Variants in GRIK4 observed in about 807,000 individuals in gnomAD.
The protein encoded by GRIK4 is glutamate receptor ionotropic, kainate 4.
GRIK4 carries 40 observed loss-of-function variants against 104.9 expected under a neutral mutation model. The ratio of observed to expected loss-of-function variants is 0.38; its 90% CI spans 0.30 to 0.50. GRIK4 has a LOEUF of 0.50. GRIK4 is among the 20% of genes least tolerant of loss of function. GRIK4 has a pLI of 0.93. For synonymous variants in GRIK4, 485 were observed against 524.9 expected (o/e 0.92, Z 1.04); for missense variants, 1,047 against 1,308.1 (o/e 0.80, Z 3.08).
intron 4 of GRIK4, among the ~76,000 whole-genome samples, chr11:120,809,945 G>A (rs1477375183): frequency 6.6e-6 from 1 of 152,144 alleles, no homozygotes; most frequent in Non-Finnish European, 1.5e-5. Context: ...TGCACCTGTA[G>A]TCCCAGCTAC....
At chr11:120,745,815 G>C (rs1299045226) in intron 3 of GRIK4, among the ~76,000 whole-genome samples, 1 of 152,192 alleles carries the variant, frequency 6.6e-6, no homozygotes, top group Admixed American at 6.5e-5. Flanking sequence ...TTGGACTGTA[G>C]AACATTTAGC....
chr11:120,872,772 G>A (rs1277197268), intron 9 of GRIK4: 1 of 189,640 alleles, frequency 5.3e-6, no homozygotes, highest in African/African-American at 2.3e-5. Flanking sequence ...TTGTTTGTTT[G>A]TTTTTTGCCA....
At chr11:120,606,747 A>T (rs1411009453) in intron 1 of GRIK4, among the ~76,000 whole-genome samples, 1 of 152,086 alleles carries the variant, frequency 6.6e-6, no homozygotes, top group Non-Finnish European at 1.5e-5. Flanking sequence ...ACTGGGAGTG[A>T]TGGGGCCGTG....
rs757896478 is a variant in GRIK4 at position 120,875,223 on chromosome 11, A to G, written c.1144A>G (p.Thr382Ala). 12 of 1,611,962 alleles carry G rather than the reference A, an allele frequency of 7.4e-6. No homozygotes were observed. In the Admixed American group the frequency reaches 1.7e-4, roughly 22 times the overall value. ...CTACGCTTTGAAAATCTTACAGTTC[A>G]CAAGGAATGGTTTTCGGCAGGTAAG... is the stretch of plus-strand genomic sequence containing the variant. ...SNYALKILQF[T>A]RNGFRQIGQW... Residue 382 changes from threonine to alanine, a missense_variant, in exon 11 of 21, where the codon ACA (threonine) becomes GCA (alanine). Physicochemically the swap from Thr to Ala is moderately conservative, Grantham distance 58. Around this residue, in one of 3 missense-constraint regions of GRIK4, gnomAD observed 447 missense variants for 514.9 expected, o/e 0.87. Coordinates refer to ENST00000527524, the MANE Select transcript of GRIK4 (RefSeq NM_014619.5).
At chr11:120,914,357 C>G (rs1447118747) in intron 13 of GRIK4, among the ~76,000 whole-genome samples, 1 of 152,180 alleles carries the variant, frequency 6.6e-6, no homozygotes, top group Non-Finnish European at 1.5e-5. Flanking sequence ...ACTGTATTAA[C>G]TCAAGCCTCA....
At chr11:120,577,354 T>C (rs1482747543) in intron 1 of GRIK4, among the ~76,000 whole-genome samples, 3 of 151,842 alleles carry the variant, frequency 2.0e-5, no homozygotes, top group Non-Finnish European at 4.4e-5. Context: ...AGAAGTCCTA[T>C]GGGAAGAGTG....
chr11:120,521,450 G>T (rs1162889529), intron 1 of GRIK4, among the ~76,000 whole-genome samples: 1 of 152,124 alleles, frequency 6.6e-6, no homozygotes, highest in Non-Finnish European at 1.5e-5. Flanking sequence ...CTCCCCCAAA[G>T]AGCTCACAGG....
intron 1 of GRIK4, among the ~76,000 whole-genome samples, chr11:120,642,807 C>G (rs1949487383): frequency 6.6e-6 from 1 of 152,182 alleles, no homozygotes; most frequent in Admixed American, 6.5e-5. Flanking sequence ...TGTTTGCTGT[C>G]AGAACATTGC....
At chr11:120,517,569 T>C (rs1327420499) in intron 1 of GRIK4, among the ~76,000 whole-genome samples, 1 of 130,494 alleles carries the variant, frequency 7.7e-6, no homozygotes, top group Non-Finnish European at 1.6e-5. Context: ...TGTGCTACGC[T>C]GCGGGGTGTT....
intron 3 of GRIK4, among the ~76,000 whole-genome samples, chr11:120,736,168 T>A (rs1006656123): frequency 6.6e-6 from 1 of 152,118 alleles, no homozygotes; most frequent in Non-Finnish European, 1.5e-5. Flanking sequence ...CTGCCAGGAC[T>A]GGGTCCTTCC....
At chr11:120,850,068 G>T (rs901266193) in intron 8 of GRIK4, among the ~76,000 whole-genome samples, 1 of 152,108 alleles carries the variant, frequency 6.6e-6, no homozygotes, top group Non-Finnish European at 1.5e-5. Context: ...ACCATTCTTG[G>T]GTCCTTTCCC....
chr11:120,812,569 C>T (rs888080853), intron 4 of GRIK4, among the ~76,000 whole-genome samples: 2 of 152,286 alleles, frequency 1.3e-5, no homozygotes, highest in Non-Finnish European at 2.9e-5. Context: ...CTTTAATTCT[C>T]ACAGCAACCT....
chr11:120,871,479 G>T (rs1011197243), intron 9 of GRIK4: 2 of 397,578 alleles, frequency 5.0e-6, no homozygotes, highest in East Asian at 7.3e-5. Flanking sequence ...AGGGACTCGG[G>T]AGTGTGGTGG....
intron 3 of GRIK4, among the ~76,000 whole-genome samples, chr11:120,755,377 G>A (rs1951634193): frequency 6.6e-6 from 1 of 152,154 alleles, no homozygotes; most frequent in Non-Finnish European, 1.5e-5. Flanking sequence ...AGGCCGATGT[G>A]GGAGGATTGC....
At chr11:120,779,473 G>A (rs1952108499) in intron 3 of GRIK4, among the ~76,000 whole-genome samples, 1 of 152,166 alleles carries the variant, frequency 6.6e-6, no homozygotes, top group Admixed American at 6.5e-5. Flanking sequence ...CTAGCCAGGG[G>A]CAAGAAGGCC....
At chr11:120,760,807 T>C (rs1218412643) in intron 3 of GRIK4, among the ~76,000 whole-genome samples, 2 of 152,188 alleles carry the variant, frequency 1.3e-5, no homozygotes, top group Admixed American at 1.3e-4. Flanking sequence ...CAGTATTCCA[T>C]GGTGTATATG....
chr11:120,960,319 C>T (rs1944261228), intron 16 of GRIK4, among the ~76,000 whole-genome samples: 1 of 152,158 alleles, frequency 6.6e-6, no homozygotes, highest in Non-Finnish European at 1.5e-5. Context: ...CAGAGCAAGA[C>T]TCCGTCTCAA....
At chr11:120,841,160 T>C (rs57053294) in intron 8 of GRIK4, among the ~76,000 whole-genome samples, 49,590 of 152,020 alleles carry the variant, frequency 0.33, 8,955 homozygotes, top group East Asian at 0.49. Context: ...CACTTTTCAG[T>C]GGCATGAAGT....
intron 1 of GRIK4, among the ~76,000 whole-genome samples, chr11:120,632,170 AAGAGACCCCAGAG>A (rs1372118102): frequency 6.6e-6 from 1 of 152,142 alleles, no homozygotes; most frequent in African/African-American, 2.4e-5. Context: ...GCCCTTGTAT[AAGAGACCCCAGAG>A]AGCTTGCTCT....
Sources: allele counts gnomAD v4.1 joint callset (sites outside exome capture counted in the v4.1 genomes callset), GRCh38; gene constraint gnomAD v4.1.1; regional missense constraint gnomAD v4.1.1; transcripts MANE v1.5; gene names NCBI Gene and HGNC (gene_info 2026-07-23, HGNC 2026-07-21).